The following PUS10 variants were observed in gnomAD, a reference collection of about 807,000 sequenced individuals.
PUS10 encodes pseudouridine synthase 10.
In PUS10, 59 loss-of-function variants were observed where a neutral mutation model predicts 75.0. The ratio of observed to expected loss-of-function variants is 0.79; its 90% CI spans 0.64 to 0.98. The LOEUF is 0.98. Ranked by LOEUF, PUS10 falls within the 50% of genes least tolerant of loss-of-function variation. PUS10 has a pLI of 0.00. For missense variants in PUS10, 650 were observed against 614.4 expected (o/e 1.06, Z -0.61); for synonymous variants, 219 against 211.6 (o/e 1.03, Z -0.30).
chr2:60,958,528 C>G (rs1408877183), intron 11 of PUS10, among the ~76,000 whole-genome samples: 1 of 152,144 alleles, frequency 6.6e-6, no homozygotes, highest in Admixed American at 6.5e-5. Flanking sequence ...TTGTCATTAT[C>G]AAAGCATGCT....
At chr2:61,008,703 G>T in intron 3 of PUS10, 58 bp downstream of exon 3, 1 of 1,324,546 alleles carries the variant, frequency 7.5e-7, no homozygotes, top group Non-Finnish European at 1.0e-6. Context: ...AGAATTCTTG[G>T]TTTTAAGACT....
rs531613624 is a variant in PUS10 at position 61,011,844 on chromosome 2, A to C, written c.47T>G (p.Leu16Arg). The C allele has an allele frequency of 6.2e-7, 1 of 1,609,666 alleles. No homozygotes were observed. The highest frequency in any genetic ancestry group is 2.2e-5 in the East Asian group (1 of 44,608). ...EENKHVAQLL[L>R]NTGTCPRCIF... ...ACATCTTGGACAAGTACCAGTATTG[A>C]GCAACAACTGGGCCACATGCTTGTT... Residue 16 changes from leucine (L) to arginine (R), a missense_variant, in exon 2 of 18, where the codon CTC becomes CGC. By Grantham distance (102) the Leu-to-Arg change is moderately radical. Transcript: ENST00000316752.
At chr2:61,007,854 G>GGGC (rs1455372470) in intron 3 of PUS10, among the ~76,000 whole-genome samples, 1 of 151,542 alleles carries the variant, frequency 6.6e-6, no homozygotes. Context: ...GGGCCAAGGC[G>GGGC]GGCGGATCAC....
chr2:60,954,743 A>G (rs992604004), intron 12 of PUS10, among the ~76,000 whole-genome samples: 6 of 152,216 alleles, frequency 3.9e-5, no homozygotes, highest in African/African-American at 1.2e-4. Flanking sequence ...AAACTTTTGG[A>G]AAAAAAATCA....
At chr2:60,993,434 G>A (rs1484450894) in intron 4 of PUS10, among the ~76,000 whole-genome samples, 2 of 151,752 alleles carry the variant, frequency 1.3e-5, no homozygotes, top group African/African-American at 4.8e-5. Flanking sequence ...TCCAGCCTGG[G>A]AGACAGGGTG....
At chr2:60,974,210 C>CA (rs1301070745) in intron 4 of PUS10, among the ~76,000 whole-genome samples, 2 of 135,106 alleles carry the variant, frequency 1.5e-5, no homozygotes, top group Admixed American at 7.7e-5. Context: ...TGATAAAGCT[C>CA]CTTTTTTTTT....
chr2:60,978,471 G>T lies in PUS10; in HGVS notation c.469-6914C>A, dbSNP rs6736706. Among the ~76,000 whole-genome samples, 1,230 of 143,510 alleles carry T rather than the reference G, an allele frequency of 8.6e-3. 18 individuals carry two copies. Among genetic ancestry groups the T allele is most frequent in the African/African-American group, 0.031 (1,192 of 38,748 alleles). 94.1% of individuals were successfully genotyped at this position (143,510 alleles called of 152,430 possible). On this transcript the variant is annotated intron_variant, in intron 4 of 17. Coordinates refer to ENST00000316752, the MANE Select transcript of PUS10 (RefSeq NM_144709.4). ...ATTCACAGGGTGAAAAACGTGGAAAGTATGTTCCAAACAGAGGAAACCCAA... is the reference window on the plus strand; with the variant it reads ...ATTCACAGGGTGAAAAACGTGGAAATTATGTTCCAAACAGAGGAAACCCAA...
chr2:60,948,245 T>C, intron 15 of PUS10, 60 bp from the exon 16 acceptor site: 2 of 1,539,514 alleles, frequency 1.3e-6, no homozygotes, highest in South Asian at 2.2e-5. Flanking sequence ...GTGAATCCTG[T>C]CTTAGCCCTT....
intron 8 of PUS10, among the ~76,000 whole-genome samples, chr2:60,963,223 AG>A (rs2104351452): frequency 6.6e-6 from 1 of 152,334 alleles, no homozygotes; most frequent in African/African-American, 2.4e-5. Context: ...ATGACACTGT[AG>A]GAAGTGTGAT....
chr2:60,975,681 A>G (rs1676991285), intron 4 of PUS10, among the ~76,000 whole-genome samples: 1 of 151,798 alleles, frequency 6.6e-6, no homozygotes, highest in African/African-American at 2.4e-5. Context: ...AAAAAAAAAA[A>G]AAAGAATAAT....
intron 9 of PUS10, among the ~76,000 whole-genome samples, chr2:60,962,341 G>A (rs1310006441): frequency 3.3e-5 from 5 of 152,216 alleles, no homozygotes; most frequent in Admixed American, 2.0e-4. Flanking sequence ...GGAGGCCGAG[G>A]CGGGTGGATC....
chr2:60,967,428 C>T (rs925649357), intron 6 of PUS10, 74 bp downstream of exon 6: 1 of 1,059,978 alleles, frequency 9.4e-7, no homozygotes, highest in South Asian at 1.4e-5. Flanking sequence ...TTTGGCTAAC[C>T]AAAACCCTGC....
At chr2:60,980,494 C>T (rs546985608) in intron 4 of PUS10, among the ~76,000 whole-genome samples, 2 of 152,326 alleles carry the variant, frequency 1.3e-5, no homozygotes, top group South Asian at 2.1e-4. Flanking sequence ...CCACCCATCT[C>T]CCACCAACTG....
chr2:60,978,560 T>C (rs1200490565), intron 4 of PUS10, among the ~76,000 whole-genome samples: 1 of 151,530 alleles, frequency 6.6e-6, no homozygotes, highest in Non-Finnish European at 1.5e-5. Context: ...CCTAAAGAAC[T>C]GAGGATGTGT....
At chr2:61,012,579 C>T (rs1044094479) in intron 1 of PUS10, among the ~76,000 whole-genome samples, 1 of 150,858 alleles carries the variant, frequency 6.6e-6, no homozygotes, top group African/African-American at 2.4e-5. Context: ...GTAATCCCAG[C>T]ATTTTGGGAG....
rs1301093977 is a variant in PUS10, at chr2:61,008,790, C to A, written c.352G>T (p.Glu118Ter). The change falls in exon 3 of 18, where the codon GAA becomes TAA. Residue 118 changes from glutamate to a stop codon, truncating the protein, a stop_gained. Coordinates refer to ENST00000316752, the MANE Select transcript of PUS10 (RefSeq NM_144709.4). LOFTEE classifies it high-confidence loss of function. ...VCNVCLGILQ[E>*]FCEKDFIKKV... is the part of the protein sequence containing the mutation. ...TTAATGAAATCTTTCTCACAGAATT[C>A]TTGAAGAATTCCTAGGCATACATTA... is the stretch of plus-strand genomic sequence containing the variant. The A allele has an allele frequency of 6.3e-7, 1 of 1,589,250 alleles. No individual in the cohort carries two copies. Among genetic ancestry groups the A allele is most frequent in the Admixed American group, 1.8e-5 (1 of 55,614 alleles).
At chr2:61,010,929 GTTA>G (rs1309693848) in intron 2 of PUS10, 2 of 1,538,724 alleles carry the variant, frequency 1.3e-6, no homozygotes, top group Non-Finnish European at 1.8e-6. Flanking sequence ...TACCTAATCA[GTTA>G]TTATGAGAAT....
At chr2:60,969,287 C>T (rs897028817) in intron 5 of PUS10, among the ~76,000 whole-genome samples, 3 of 152,294 alleles carry the variant, frequency 2.0e-5, no homozygotes, top group Middle Eastern at 3.4e-3. Flanking sequence ...AGCTTGGAAA[C>T]CTCATCCTTA....
At chr2:60,956,390 G>C (rs7560570) in intron 11 of PUS10, among the ~76,000 whole-genome samples, 116,997 of 152,136 alleles carry the variant, frequency 0.77, 46,285 homozygotes, top group African/African-American at 0.94. Flanking sequence ...TTGTCTTACA[G>C]CTGCCCACCC....
Sources: allele counts gnomAD v4.1 joint callset (sites outside exome capture counted in the v4.1 genomes callset), GRCh38; gene constraint gnomAD v4.1.1; transcripts MANE v1.5; gene names NCBI Gene and HGNC (gene_info 2026-07-23, HGNC 2026-07-21).